The following PSMD12 variants were observed in gnomAD, a reference collection of about 807,000 sequenced individuals.
The protein encoded by PSMD12 is 26S proteasome non-ATPase regulatory subunit 12.
Under a neutral mutation model 62.9 loss-of-function variants are expected in PSMD12, and 8 were observed. The ratio of observed to expected loss-of-function variants is 0.13; its 90% CI spans 0.07 to 0.23. The LOEUF is 0.23. Among genes scored for constraint, PSMD12 ranks in the 10% least tolerant of loss-of-function variants. PSMD12 has a pLI of 1.00. For synonymous variants in PSMD12, 173 were observed against 187.4 expected, an observed-to-expected ratio of 0.92 and a Z score of 0.63; for missense variants, 424 against 550.2, an observed-to-expected ratio of 0.77 and a Z score of 2.29.
chr17:67,348,662 T>C lies in PSMD12; in HGVS notation c.406-8A>G. On this transcript the variant is annotated splice_region_variant and splice_polypyrimidine_tract_variant and intron_variant, in intron 4 of 10. Coordinates refer to ENST00000356126, the MANE Select transcript of PSMD12 (RefSeq NM_002816.5). ...CTCAATTTCAACATAAATCTACAAA[T>C]GAGAAATTTACACAATCAAAATTCC... 6.2e-7 allele frequency: 1 copy of C among 1,602,666 alleles called. No homozygotes were observed. Among genetic ancestry groups the C allele is most frequent in the Non-Finnish European group, 8.5e-7 (1 of 1,175,710 alleles).
chr17:67,361,273 A>G (rs970752987), intron 1 of PSMD12: 2 of 152,216 alleles, frequency 1.3e-5, no homozygotes, highest in South Asian at 2.1e-4. Flanking sequence ...TAAATAAGAA[A>G]GAAAAAGGCT....
intron 1 of PSMD12, among the ~76,000 whole-genome samples, chr17:67,363,345 C>T (rs2042151393): frequency 6.6e-6 from 1 of 152,062 alleles, no homozygotes; most frequent in African/African-American, 2.4e-5. Context: ...GTAGAGACAG[C>T]ATCTCGTTAG....
At chr17:67,352,291 T>A (rs1327813347) in intron 3 of PSMD12, among the ~76,000 whole-genome samples, 1 of 151,878 alleles carries the variant, frequency 6.6e-6, no homozygotes, top group African/African-American at 2.4e-5. Flanking sequence ...AAGACAGGGG[T>A]CTCACCATCT....
intron 7 of PSMD12, 54 bp from the exon 8 acceptor site, chr17:67,345,911 G>A: frequency 6.9e-7 from 1 of 1,447,718 alleles, no homozygotes; most frequent in Non-Finnish European, 9.6e-7. Context: ...TGGAAACTTT[G>A]ACAAAAACTG....
intron 3 of PSMD12, among the ~76,000 whole-genome samples, chr17:67,350,744 A>G (rs2042009744): frequency 6.6e-6 from 1 of 151,954 alleles, no homozygotes; most frequent in Admixed American, 6.6e-5. Context: ...ACCCAAATTC[A>G]CCTCAATACC....
chr17:67,356,142 ATTTG>A (rs1308217906), intron 3 of PSMD12, among the ~76,000 whole-genome samples: 2 of 152,056 alleles, frequency 1.3e-5, no homozygotes, highest in Non-Finnish European at 2.9e-5. Flanking sequence ...CAATCTTAGT[ATTTG>A]TTTAAGTCTA....
chr17:67,351,315 C>A (rs1598565123), intron 3 of PSMD12, among the ~76,000 whole-genome samples: 1 of 151,594 alleles, frequency 6.6e-6, no homozygotes, highest in African/African-American at 2.4e-5. Flanking sequence ...TGGTGTGAAC[C>A]CGGGAGGCGG....
intron 1 of PSMD12, among the ~76,000 whole-genome samples, 200 bp downstream of exon 1, chr17:67,366,212 T>C (rs1456122228): frequency 6.6e-6 from 1 of 151,970 alleles, no homozygotes; most frequent in Non-Finnish European, 1.5e-5. Flanking sequence ...TTGGGGAGGG[T>C]CTGGGAAGCT....
intron 1 of PSMD12, among the ~76,000 whole-genome samples, chr17:67,359,964 A>G (rs2042114325): frequency 2.0e-5 from 3 of 152,228 alleles, no homozygotes; most frequent in Admixed American, 2.0e-4. Flanking sequence ...TAGAGATTAA[A>G]AAGACTGAGG....
chr17:67,344,263 G>A lies in PSMD12; in HGVS notation c.1083+343C>T, dbSNP rs546887926. On this transcript the variant is annotated intron_variant, in intron 9 of 10. Coordinates refer to ENST00000356126, the MANE Select transcript of PSMD12 (RefSeq NM_002816.5). Reference sequence around the variant, plus strand: ...TCTGGTTTATATACTATAAATTTTGGATTCTTAAGAGGTTCTCTCACAATG... The same window carrying A: ...TCTGGTTTATATACTATAAATTTTGAATTCTTAAGAGGTTCTCTCACAATG... Among the ~76,000 whole-genome samples the A allele has an allele frequency of 1.6e-3, 247 of 152,182 alleles. 1 individual carries two copies. The highest frequency in any genetic ancestry group is 3.0e-3 in the Non-Finnish European group (207 of 68,014).
At position 67,342,236 on chromosome 17, in the gene PSMD12, T is replaced by C. The variant is rs149385084; in HGVS notation, c.1111A>G (p.Thr371Ala). Reference sequence around the variant, plus strand: ...GCCATCCTTTTCATTGTTATCCGAGTATAATACTTGGCCATTATTCTAATA... The same window carrying C: ...GCCATCCTTTTCATTGTTATCCGAGCATAATACTTGGCCATTATTCTAATA... The part of the protein sequence containing the change: ...HNIRIMAKYY[T>A]RITMKRMAQL... The change falls in exon 10 of 11, where the codon ACT (threonine) becomes GCT (alanine). Residue 371 changes from threonine to alanine, a missense_variant. Transcript: ENST00000356126. 1.9e-6 allele frequency: 3 copies of C among 1,586,346 alleles called. No individual in the cohort carries two copies. Among genetic ancestry groups the C allele is most frequent in the African/African-American group, 1.3e-5 (1 of 74,346 alleles).
At chr17:67,344,924 T>C in intron 8 of PSMD12, 144 bp from the exon 9 acceptor site, 1 of 682,860 alleles carries the variant, frequency 1.5e-6, no homozygotes, top group East Asian at 2.8e-5. Flanking sequence ...TTATTGTGTA[T>C]TTTACCAACT....
At chr17:67,344,218 C>T (rs1319664504) in intron 9 of PSMD12, among the ~76,000 whole-genome samples, 1 of 152,166 alleles carries the variant, frequency 6.6e-6, no homozygotes, top group African/African-American at 2.4e-5. Context: ...CCCTCCTGCC[C>T]CCATTCTTCG....
rs568593443 is a variant in PSMD12 at position 67,340,718 on chromosome 17, A to T, written c.*125T>A. ...ACTGAAAGGTCAAAGGGAGTCTCAA[A>T]CATATTCACTATTTTAAAATTTAAG... On this transcript the variant is annotated 3_prime_UTR_variant, in exon 11 of 11. Transcript: ENST00000356126. 512 of 706,274 alleles carry T rather than the reference A, an allele frequency of 7.2e-4. 9 individuals carry two copies. The South Asian group carries it at 0.013, about 18-fold the overall frequency. 43.8% of individuals were successfully genotyped at this position (706,274 alleles called of 1,614,324 possible).
At position 67,357,393 on chromosome 17, in the gene PSMD12, T is replaced by G. The variant is rs1030742659; in HGVS notation, c.207A>C (p.Ala69=). The change falls in exon 3 of 11, where the codon GCA becomes GCC. Residue 69 remains alanine, a synonymous_variant. Transcript: ENST00000356126. The part of the protein sequence containing the change: ...DMVSTSRILV[A]VVKMCYEAKE... ...TAGCCTCATAGCACATCTTCACTAC[T>G]GCAACTAAGATACGGGATGTCGATA... is the stretch of plus-strand genomic sequence containing the variant. The G allele has an allele frequency of 6.2e-7, 1 of 1,613,478 alleles. No homozygotes were observed. The highest frequency in any genetic ancestry group is 1.3e-5 in the African/African-American group (1 of 74,914).
chr17:67,350,417 G>T, intron 3 of PSMD12, 81 bp from the exon 4 acceptor site: 1 of 1,045,926 alleles, frequency 9.6e-7, no homozygotes, highest in Non-Finnish European at 1.3e-6. Context: ...AAAGAGCAAT[G>T]ATCGAACTTG....
chr17:67,351,392 AAATAAT>A lies in PSMD12; in HGVS notation c.298-1062_298-1057del, dbSNP rs56142901. 6.7e-4 allele frequency among the ~76,000 whole-genome samples: 94 copies of A among 140,122 alleles called. 1 individual carries two copies. The highest frequency in any genetic ancestry group is 1.8e-3 in the East Asian group (9 of 4,896). 91.9% of individuals were successfully genotyped at this position (140,122 alleles called of 152,430 possible). On this transcript the variant is annotated intron_variant, in intron 3 of 10. Transcript: ENST00000356126. ...GGGAGACAGATCGAGACTTGTCTCA[AAATAAT>A]AATAATAATAATAATAATAATAATA...
At chr17:67,358,576 A>AAAAG (rs1223698399) in intron 1 of PSMD12, among the ~76,000 whole-genome samples, 1 of 150,438 alleles carries the variant, frequency 6.6e-6, no homozygotes, top group Non-Finnish European at 1.5e-5. Flanking sequence ...TCAAAAAAAA[A>AAAAG]AAAAAAAAAA....
intron 1 of PSMD12, among the ~76,000 whole-genome samples, chr17:67,359,887 C>G (rs1031404196): frequency 6.6e-6 from 1 of 152,076 alleles, no homozygotes; most frequent in Non-Finnish European, 1.5e-5. Context: ...CTAATAAATC[C>G]TAAAAGATGA....
Sources: allele counts gnomAD v4.1 joint callset (sites outside exome capture counted in the v4.1 genomes callset), GRCh38; gene constraint gnomAD v4.1.1; transcripts MANE v1.5; gene names NCBI Gene and HGNC (gene_info 2026-07-23, HGNC 2026-07-21).